The following CCDC33 variants were observed in gnomAD, a reference collection of about 807,000 sequenced individuals.
The protein encoded by CCDC33 is coiled-coil domain containing 33.
Under a neutral mutation model 91.9 loss-of-function variants are expected in CCDC33, and 94 were observed. The observed-to-expected ratio is 1.02, with a 90% CI of 0.87 to 1.21. CCDC33 has a LOEUF of 1.21. CCDC33 is among the 50% of genes most tolerant of loss of function. The pLI, the probability that CCDC33 is intolerant of heterozygous loss-of-function variation, is 0.00. For synonymous variants in CCDC33, 396 were observed against 374.5 expected, an observed-to-expected ratio of 1.06 and a Z score of -0.66; for missense variants, 940 against 935.5, an observed-to-expected ratio of 1.00 and a Z score of -0.06.
chr15:74,224,405 G>C (rs533199872), intron 2 of CCDC33, among the ~76,000 whole-genome samples: 1 of 152,316 alleles, frequency 6.6e-6, no homozygotes, highest in South Asian at 2.1e-4. Context: ...CAGTTTGAGG[G>C]AGTCCCATAT....
chr15:74,334,095 G>T (rs1596148072), intron 17 of CCDC33, 128 bp downstream of exon 17: 1 of 806,168 alleles, frequency 1.2e-6, no homozygotes, highest in Non-Finnish European at 1.9e-6. Context: ...TGTGGCCAGG[G>T]TCGGGGTTCA....
intron 11 of CCDC33, among the ~76,000 whole-genome samples, chr15:74,317,719 C>T (rs117809061): frequency 0.014 from 2,096 of 152,284 alleles, 26 homozygotes; most frequent in Middle Eastern, 0.071. Context: ...TGGGACCAAG[C>T]TTGTCTGGGA....
chr15:74,274,987 G>C (rs1361537140), intron 7 of CCDC33, among the ~76,000 whole-genome samples: 27 of 152,248 alleles, frequency 1.8e-4, no homozygotes, highest in Admixed American at 1.8e-3. Flanking sequence ...AGGAGGGGTG[G>C]GGATTGCCCG....
chr15:74,268,414 A>T lies in CCDC33; in HGVS notation c.502A>T (p.Ser168Cys). The T allele has an allele frequency of 3.8e-6, 6 of 1,595,822 alleles. No individual in the cohort carries two copies. Among genetic ancestry groups the T allele is most frequent in the Non-Finnish European group, 5.1e-6 (6 of 1,171,130 alleles). ...QLYATVVRKS[S>C]FIPRYIGCNH... The stretch of plus-strand genomic sequence containing the variant: ...GTACGCAACAGTCGTTCGGAAGAGC[A>T]GCTTCATACCCCGCTACATCGGCTG... Residue 168 changes from serine (S) to cysteine (C), a missense_variant, in exon 5 of 19, where the codon AGC (serine) becomes TGC (cysteine). Physicochemically the swap from Ser to Cys is moderately radical, Grantham distance 112. Coordinates refer to ENST00000398814, the MANE Select transcript of CCDC33 (RefSeq NM_025055.5).
rs570091768 is a variant in CCDC33 at position 74,224,024 on chromosome 15, TGAG to T, written c.675+5165_675+5167del. Among the ~76,000 whole-genome samples the T allele has an allele frequency of 2.3e-3, 356 of 152,290 alleles. 2 individuals carry two copies. The highest frequency in any genetic ancestry group is 8.3e-4 in the South Asian group (4 of 4,832). On this transcript the variant is annotated intron_variant, in intron 2 of 2. Coordinates refer to the CCDC33 transcript ENST00000635913. ...CAGCTGAGCCCCGTTAAAAGCTACC[TGAG>T]GTTTCCCTTTGTAGCTCGATTTTCT...
At chr15:74,310,535 CA>C (rs75401537) in intron 11 of CCDC33, among the ~76,000 whole-genome samples, 2,242 of 63,510 alleles carry the variant, frequency 0.035, 19 homozygotes, top group Middle Eastern at 0.15. Flanking sequence ...GACTCCATCT[CA>C]AAAAAAAAAA....
intron 11 of CCDC33, among the ~76,000 whole-genome samples, chr15:74,310,135 A>G (rs2059964196): frequency 6.6e-6 from 1 of 152,148 alleles, no homozygotes; most frequent in Non-Finnish European, 1.5e-5. Context: ...AGCCCGGATG[A>G]CAGAGTGAGA....
At chr15:74,226,981 G>C (rs2074820650) in intron 2 of CCDC33, among the ~76,000 whole-genome samples, 1 of 152,178 alleles carries the variant, frequency 6.6e-6, no homozygotes, top group Non-Finnish European at 1.5e-5. Flanking sequence ...ATGCACAGGA[G>C]GTGCCATCTC....
At chr15:74,230,332 C>G (rs995359554) in intron 2 of CCDC33, among the ~76,000 whole-genome samples, 16 of 152,290 alleles carry the variant, frequency 1.1e-4, no homozygotes, top group African/African-American at 3.9e-4. Flanking sequence ...TGAGTAGACC[C>G]CCCACCCAAC....
At chr15:74,332,535 A>T in intron 15 of CCDC33, 144 bp from the exon 16 acceptor site, 1 of 794,346 alleles carries the variant, frequency 1.3e-6, no homozygotes, top group Non-Finnish European at 2.1e-6. Context: ...TGTGCACCTG[A>T]TCCCACTGGT....
At chr15:74,262,146 C>T (rs1339924007) in intron 2 of CCDC33, among the ~76,000 whole-genome samples, 1 of 152,124 alleles carries the variant, frequency 6.6e-6, no homozygotes, top group Non-Finnish European at 1.5e-5. Flanking sequence ...GGAAGTCAGG[C>T]GGGCAAAGCA....
chr15:74,310,093 G>A (rs1157747934), intron 11 of CCDC33, among the ~76,000 whole-genome samples: 4 of 152,102 alleles, frequency 2.6e-5, no homozygotes, highest in Non-Finnish European at 4.4e-5. Context: ...TGAGGCTGCG[G>A]GCAGTGAGCC....
At position 74,295,861 on chromosome 15, in the gene CCDC33, C is replaced by T; in HGVS notation, c.1203C>T (p.Asp401=). Residue 401 remains aspartate (D), a synonymous_variant, in exon 11 of 19, where the codon GAC becomes GAT. Coordinates refer to ENST00000398814, the MANE Select transcript of CCDC33 (RefSeq NM_025055.5). ...LRTIQESWSK[D]TVSSTMDLST... is the part of the protein sequence containing the mutation. ...CCATCCAAGAGTCCTGGTCCAAGGA[C>T]ACAGTGAGCTCCACAATGGACTTGA... The T allele has an allele frequency of 1.9e-6, 3 of 1,614,188 alleles. No homozygotes were observed. Among genetic ancestry groups the T allele is most frequent in the Non-Finnish European group, 2.5e-6 (3 of 1,180,032 alleles).
At chr15:74,278,875 C>G (rs1182150214) in intron 7 of CCDC33, among the ~76,000 whole-genome samples, 2 of 152,218 alleles carry the variant, frequency 1.3e-5, no homozygotes, top group Admixed American at 6.5e-5. Flanking sequence ...CCTAGGGTGC[C>G]ATCAAGTCCC....
chr15:74,280,845 G>T (rs1027836772), intron 9 of CCDC33, 44 bp downstream of exon 9: 2 of 1,401,734 alleles, frequency 1.4e-6, no homozygotes, highest in East Asian at 2.7e-5. Flanking sequence ...TGCCCACCTG[G>T]CCCCACCCTG....
rs1025495947 is a variant in CCDC33, at chr15:74,282,602, A to G, written c.1095+753A>G. Among the ~76,000 whole-genome samples, 6 of 152,202 alleles carry G rather than the reference A, an allele frequency of 3.9e-5. No homozygotes were observed. The South Asian group carries it at 6.2e-4, about 16-fold the overall frequency. On this transcript the variant is annotated intron_variant, in intron 10 of 18. Transcript: ENST00000398814. ...TAATCATCTTCCTATCTTAAAGTCA[A>G]CGGTGCCATGTAACAAACATAATCC... is the stretch of plus-strand genomic sequence containing the variant.
At chr15:74,311,224 A>G (rs1046890660) in intron 11 of CCDC33, among the ~76,000 whole-genome samples, 2 of 152,066 alleles carry the variant, frequency 1.3e-5, no homozygotes, top group African/African-American at 2.4e-5. Context: ...AAGAGCCCCA[A>G]ATGTCCAGAC....
chr15:74,265,187 G>A lies in CCDC33; in HGVS notation c.320-1491G>A, dbSNP rs564510796. ...CCCATCCAGTTCCAAATGACCCAGCGGCTGAGCCCGCTGAACCTGCTGAGC... is the reference window on the plus strand; with the variant it reads ...CCCATCCAGTTCCAAATGACCCAGCAGCTGAGCCCGCTGAACCTGCTGAGC... On this transcript the variant is annotated intron_variant, in intron 3 of 18. Transcript: ENST00000398814. Among the ~76,000 whole-genome samples, 5 of 152,084 alleles carry A rather than the reference G, an allele frequency of 3.3e-5. No homozygotes were observed. In the East Asian group the frequency reaches 9.6e-4, roughly 29 times the overall value.
rs539302189 is a variant in CCDC33 at position 74,260,867 on chromosome 15, T to A, written c.186-1573T>A. On this transcript the variant is annotated intron_variant, in intron 2 of 18. Transcript: ENST00000398814. ...GGTAATAACAGGAATCATATTTATATTTTAATAATTTAAGGTACTAAGAAT... is the reference window on the plus strand; with the variant it reads ...GGTAATAACAGGAATCATATTTATAATTTAATAATTTAAGGTACTAAGAAT... Among the ~76,000 whole-genome samples, 104 of 152,356 alleles carry A rather than the reference T, an allele frequency of 6.8e-4. 1 individual carries two copies. Among genetic ancestry groups the A allele is most frequent in the South Asian group, 6.6e-3 (32 of 4,830 alleles).
Sources: gnomAD v4.1 joint callset for allele counts (sites outside exome capture counted in the v4.1 genomes callset) on GRCh38, gnomAD v4.1.1 for gene constraint, MANE v1.5 for transcripts, NCBI Gene and HGNC (gene_info 2026-07-23, HGNC 2026-07-21) for gene names.